ZNF429: variants seen among roughly 807,000 people sequenced by gnomAD.
ZNF429 encodes zinc finger protein 429.
In ZNF429, 53 loss-of-function variants were observed where a neutral mutation model predicts 56.8. The observed-to-expected ratio is 0.93, with a 90% CI of 0.75 to 1.17. The LOEUF (loss-of-function observed/expected upper bound fraction) is 1.17, where lower values mean the gene tolerates loss of function less well. Ranked by LOEUF, ZNF429 falls within the 50% of genes most tolerant of loss-of-function variation. The probability of loss-of-function intolerance (pLI) is 0.00; values close to 1 mark genes in which losing one functional copy is unlikely to be tolerated. For synonymous variants in ZNF429, 278 were observed against 264.7 expected (o/e 1.05, Z -0.49); for missense variants, 849 against 788.4 (o/e 1.08, Z -0.92).
intron 1 of ZNF429, among the ~76,000 whole-genome samples, chr19:21,514,563 T>C (rs1212125960): frequency 6.6e-6 from 1 of 152,064 alleles, no homozygotes; most frequent in Non-Finnish European, 1.5e-5. Context: ...TTATATACCA[T>C]GTATATTTTA....
rs1327457777 is a variant in ZNF429, at chr19:21,537,850, C to T, written c.1797C>T (p.Gly599=). ...GEKPYKCEEC[G]KAFNRSSRLT... is the part of the protein sequence containing the mutation. ...AACCCTACAAATGTGAAGAATGTGGCAAAGCTTTTAATCGGTCCTCAAGAC... is the reference window on the plus strand; with the variant it reads ...AACCCTACAAATGTGAAGAATGTGGTAAAGCTTTTAATCGGTCCTCAAGAC... The change falls in exon 4 of 4, where the codon GGC becomes GGT. Residue 599 remains glycine (G), a synonymous_variant. Coordinates refer to ENST00000358491, the MANE Select transcript of ZNF429 (RefSeq NM_001001415.4). 2 of 1,613,708 alleles carry T rather than the reference C, an allele frequency of 1.2e-6. No individual in the cohort carries two copies. The highest frequency in any genetic ancestry group is 1.7e-6 in the Non-Finnish European group (2 of 1,179,990).
At chr19:21,535,334 CT>C in intron 3 of ZNF429, among the ~76,000 whole-genome samples, 1,735 of 47,024 alleles carry the variant, frequency 0.037, 181 homozygotes, top group African/African-American at 0.072. Flanking sequence ...TTTCTCTTTT[CT>C]TTTCTTTCCT....
chr19:21,535,473 TTTCTTTC>T lies in ZNF429; in HGVS notation c.227-804_227-798del. Reference sequence around the variant, plus strand: ...CTTTCTTTCTTTCTTTCTTTCTTTCTTTCTTTCTTTCTTTCTTTCTTTCTTCTTTCTT... The same window carrying T: ...CTTTCTTTCTTTCTTTCTTTCTTTCTTTTCTTTCTTTCTTTCTTCTTTCTT... On this transcript the variant is annotated intron_variant, in intron 3 of 3. Coordinates refer to ENST00000358491, the MANE Select transcript of ZNF429 (RefSeq NM_001001415.4). 2.1e-3 allele frequency among the ~76,000 whole-genome samples: 200 copies of T among 95,762 alleles called. 18 individuals carry two copies. Among genetic ancestry groups the T allele is most frequent in the African/African-American group, 8.5e-3 (188 of 22,068 alleles). The allele number at this position is 95,762 out of a possible 152,430, so 62.8% of individuals were successfully genotyped here.
At chr19:21,518,646 G>C (rs900034711) in intron 1 of ZNF429, 1 of 149,700 alleles carries the variant, frequency 6.7e-6, no homozygotes, top group Non-Finnish European at 1.5e-5. Context: ...TCCACCTCCC[G>C]GGTTCAAGTG....
At chr19:21,522,919 G>C (rs1270179390) in intron 1 of ZNF429, among the ~76,000 whole-genome samples, 1 of 151,590 alleles carries the variant, frequency 6.6e-6, no homozygotes, top group Non-Finnish European at 1.5e-5. Context: ...AGTGTATACT[G>C]TCCCGTAAAT....
intron 1 of ZNF429, chr19:21,521,791 T>C (rs2032993605): frequency 1.3e-5 from 2 of 152,558 alleles, no homozygotes; most frequent in Non-Finnish European, 2.9e-5. Flanking sequence ...CAGTATTTTT[T>C]AATGTCACAA....
intron 1 of ZNF429, among the ~76,000 whole-genome samples, chr19:21,512,069 AAGAGGGAGAGGGAGACCGTGGGG>A (rs1383098595): frequency 3.3e-5 from 5 of 152,100 alleles, no homozygotes; most frequent in South Asian, 4.1e-4. Context: ...AGACCATGGA[AAGAGGGAGAGGGAGACCGTGGGG>A]AGAGGGAGAG....
chr19:21,511,895 C>A (rs998236496), intron 1 of ZNF429, among the ~76,000 whole-genome samples: 1 of 152,076 alleles, frequency 6.6e-6, no homozygotes, highest in Non-Finnish European at 1.5e-5. Flanking sequence ...GCCAACACAG[C>A]GAAACCCCGT....
chr19:21,538,041 G>A lies in ZNF429; in HGVS notation c.1988G>A (p.Arg663Gln), dbSNP rs368726828. 97 of 1,555,288 alleles carry A rather than the reference G, an allele frequency of 6.2e-5. No homozygotes were observed. The highest frequency in any genetic ancestry group is 1.8e-4 in the South Asian group (16 of 89,390). Reference sequence around the variant, plus strand: ...AGCACTTTGGGAGGCAGAGGTGGGCGGATCACGAGGTCAGGAGATCGAGAC... The same window carrying A: ...AGCACTTTGGGAGGCAGAGGTGGGCAGATCACGAGGTCAGGAGATCGAGAC... ...NPSTLGGRGG[R>Q]ITRSGDRDRP... is the part of the protein sequence containing the mutation. Residue 663 changes from arginine to glutamine, a missense_variant, in exon 4 of 4, where the codon CGG (arginine) becomes CAG (glutamine). Arg to Gln is a conservative substitution (Grantham distance 43, BLOSUM62 1). Transcript: ENST00000358491.
chr19:21,523,032 A>T (rs553296380), intron 1 of ZNF429, among the ~76,000 whole-genome samples: 1 of 152,260 alleles, frequency 6.6e-6, no homozygotes, highest in Non-Finnish European at 1.5e-5. Flanking sequence ...CAACCATTTT[A>T]CCTCTTTCAA....
chr19:21,516,353 C>T (rs1365032160), intron 1 of ZNF429, among the ~76,000 whole-genome samples: 1 of 152,138 alleles, frequency 6.6e-6, no homozygotes, highest in East Asian at 1.9e-4. Context: ...TCCCAAAGTG[C>T]TGGGATTACA....
At position 21,529,445 on chromosome 19, in the gene ZNF429, C is replaced by T. The variant is rs959341992; in HGVS notation, c.4-213C>T. The T allele has an allele frequency of 1.7e-5, 15 of 902,330 alleles. No individual in the cohort carries two copies. In the Admixed American group the frequency reaches 5.6e-4, roughly 34 times the overall value. 55.9% of individuals were successfully genotyped at this position (902,330 alleles called of 1,614,324 possible). ...GTACACTGATGTTGTGGATCTTATG[C>T]CACTATTTTCTCAAAGTTAGAGAAT... On this transcript the variant is annotated intron_variant, in intron 1 of 3. Coordinates refer to ENST00000358491, the MANE Select transcript of ZNF429 (RefSeq NM_001001415.4).
chr19:21,516,956 C>G (rs1402040810), intron 1 of ZNF429, among the ~76,000 whole-genome samples: 2 of 152,188 alleles, frequency 1.3e-5, no homozygotes, highest in African/African-American at 2.4e-5. Context: ...CCTGATTGCT[C>G]TAGCCAGGAC....
Position 21,515,902 on chromosome 19 carries a change from G to A in ZNF429, c.3+10128G>A, listed in dbSNP as rs2650828. Among the ~76,000 whole-genome samples the A allele has an allele frequency of 5.7e-3, 872 of 152,196 alleles. 12 individuals are homozygous for A. Among genetic ancestry groups the A allele is most frequent in the African/African-American group, 0.02 (838 of 41,508 alleles). On this transcript the variant is annotated intron_variant, in intron 1 of 3. Coordinates refer to ENST00000358491, the MANE Select transcript of ZNF429 (RefSeq NM_001001415.4). ...AATATCAGATGGTCGTAGGTGTGCA[G>A]CATTATTTCTGGGCTCTCTATTCTG...
At chr19:21,510,974 C>T (rs547453635) in intron 1 of ZNF429, among the ~76,000 whole-genome samples, 5,249 of 152,116 alleles carry the variant, frequency 0.035, 142 homozygotes, top group Non-Finnish European at 0.05. Flanking sequence ...TCTCCCATGT[C>T]TACTTCTTTC....
chr19:21,514,847 C>T (rs1444763216), intron 1 of ZNF429, among the ~76,000 whole-genome samples: 1 of 152,178 alleles, frequency 6.6e-6, no homozygotes, highest in Non-Finnish European at 1.5e-5. Context: ...GATCTGCCCA[C>T]CTCAGCCTCC....
intron 1 of ZNF429, among the ~76,000 whole-genome samples, chr19:21,511,251 G>T (rs923218033): frequency 6.6e-6 from 1 of 151,826 alleles, no homozygotes; most frequent in African/African-American, 2.4e-5. Flanking sequence ...CTGGCCCGGT[G>T]GGGGGCTGAC....
At chr19:21,507,470 A>AC (rs1315126601) in intron 1 of ZNF429, 3 of 152,218 alleles carry the variant, frequency 2.0e-5, no homozygotes, top group African/African-American at 7.2e-5. Flanking sequence ...TAATCTTCTG[A>AC]CACTGTATTG....
intron 1 of ZNF429, among the ~76,000 whole-genome samples, chr19:21,527,919 T>C (rs1421568615): frequency 2.0e-5 from 3 of 152,220 alleles, no homozygotes; most frequent in African/African-American, 7.2e-5. Flanking sequence ...CCACTCTGCC[T>C]CCTGGACTGT....
Sources: gnomAD v4.1 joint callset for allele counts (sites outside exome capture counted in the v4.1 genomes callset) on GRCh38, gnomAD v4.1.1 for gene constraint, MANE v1.5 for transcripts, NCBI Gene and HGNC (gene_info 2026-07-23, HGNC 2026-07-21) for gene names.